Variants in FOXN2 observed in about 807,000 individuals in gnomAD.
The protein encoded by FOXN2 is forkhead box protein N2.
In FOXN2, 19 loss-of-function variants were observed where a neutral mutation model predicts 41.2. The observed-to-expected ratio is 0.46, with a 90% CI of 0.32 to 0.68. FOXN2 has a LOEUF of 0.68. Ranked by LOEUF, FOXN2 falls within the 30% of genes least tolerant of loss-of-function variation. The probability of loss-of-function intolerance (pLI) is 0.03; values close to 1 mark genes in which losing one functional copy is unlikely to be tolerated. For synonymous variants in FOXN2, 195 were observed against 176.8 expected (o/e 1.10, Z -0.82); for missense variants, 587 against 509.4 (o/e 1.15, Z -1.47).
intron 2 of FOXN2, among the ~76,000 whole-genome samples, chr2:48,330,386 A>G (rs1445697740): frequency 6.6e-6 from 1 of 152,212 alleles, no homozygotes; most frequent in African/African-American, 2.4e-5. Context: ...ACTAATTGCT[A>G]TGCAGCTTCC....
intron 2 of FOXN2, among the ~76,000 whole-genome samples, chr2:48,345,955 T>C (rs1439698283): frequency 6.6e-6 from 1 of 152,182 alleles, no homozygotes; most frequent in Non-Finnish European, 1.5e-5. Flanking sequence ...TTAATTGTGT[T>C]AATATCACCC....
Position 48,373,368 on chromosome 2 carries a change from A to T in FOXN2, c.772+8A>T, listed in dbSNP as rs539492939. The T allele has an allele frequency of 3.9e-6, 6 of 1,544,708 alleles. No homozygotes were observed. In the East Asian group the frequency reaches 1.4e-4, roughly 36 times the overall value. ...AACAAGGAATTTTAGAATGTAAGTA[A>T]TCATGCCTTTTTTAAAAAAAAATTT... On this transcript the variant is annotated splice_region_variant and intron_variant, in intron 6 of 6. Coordinates refer to ENST00000340553, the MANE Select transcript of FOXN2 (RefSeq NM_002158.4).
intron 3 of FOXN2, among the ~76,000 whole-genome samples, chr2:48,354,438 A>G (rs542020017): frequency 9.9e-5 from 15 of 152,284 alleles, no homozygotes; most frequent in Admixed American, 2.0e-4. Flanking sequence ...CATCTCTACT[A>G]AAAATACAAA....
intron 2 of FOXN2, among the ~76,000 whole-genome samples, chr2:48,336,241 C>A (rs1018835907): frequency 2.0e-5 from 3 of 150,928 alleles, no homozygotes; most frequent in Admixed American, 2.0e-4. Flanking sequence ...CAGTGTCTAC[C>A]AAAAATATTT....
At chr2:48,372,959 G>A (rs1011068176) in intron 5 of FOXN2, among the ~76,000 whole-genome samples, 1 of 149,530 alleles carries the variant, frequency 6.7e-6, no homozygotes, top group Non-Finnish European at 1.5e-5. Flanking sequence ...TACATTCTTA[G>A]CTAATTTAAT....
At chr2:48,330,075 A>T (rs1034851324) in intron 2 of FOXN2, among the ~76,000 whole-genome samples, 3 of 152,132 alleles carry the variant, frequency 2.0e-5, no homozygotes, top group Non-Finnish European at 2.9e-5. Flanking sequence ...AATAAATAAA[A>T]AATTGTTTTC....
chr2:48,345,179 A>G (rs1671015909), intron 2 of FOXN2, among the ~76,000 whole-genome samples: 1 of 152,242 alleles, frequency 6.6e-6, no homozygotes, highest in Non-Finnish European at 1.5e-5. Context: ...GAGATGATAT[A>G]GAATGCAGAG....
chr2:48,366,440 C>G (rs1319979735), intron 5 of FOXN2, among the ~76,000 whole-genome samples: 1 of 151,680 alleles, frequency 6.6e-6, no homozygotes. Context: ...AACAAAAGTT[C>G]TCCCTGGCAG....
chr2:48,317,789 G>A (rs1347970947), intron 1 of FOXN2, among the ~76,000 whole-genome samples: 1 of 151,218 alleles, frequency 6.6e-6, no homozygotes, highest in East Asian at 2.0e-4. Context: ...TGTATTTTTA[G>A]TAGAGACGGA....
intron 3 of FOXN2, among the ~76,000 whole-genome samples, chr2:48,354,819 T>C (rs1368427344): frequency 6.6e-6 from 1 of 152,158 alleles, no homozygotes; most frequent in African/African-American, 2.4e-5. Flanking sequence ...AAATAGGCAA[T>C]AAACATAAAC....
chr2:48,325,001 A>C lies in FOXN2; in HGVS notation c.-156-3560A>C, dbSNP rs569397524. On this transcript the variant is annotated intron_variant, in intron 1 of 6. Transcript: ENST00000340553. ...AGTTGTTAGAATATCAAAAGCAAGC[A>C]TATAGAGAAATGTATTTGAACAGGA... is the stretch of plus-strand genomic sequence containing the variant. Among the ~76,000 whole-genome samples the C allele has an allele frequency of 7.2e-5, 11 of 152,324 alleles. No homozygotes were observed. In the East Asian group the frequency reaches 1.5e-3, roughly 21 times the overall value.
chr2:48,377,080 T>C lies in FOXN2; in HGVS notation c.*1637T>C, dbSNP rs1159936055. 6.6e-6 allele frequency: 1 copy of C among 152,068 alleles called. No individual in the cohort carries two copies. Among genetic ancestry groups the C allele is most frequent in the Non-Finnish European group, 1.5e-5 (1 of 67,904 alleles). 9.4% of individuals were successfully genotyped at this position (152,068 alleles called of 1,614,324 possible). A position where few individuals can be genotyped will look rare whatever the true frequency, so the allele number is the denominator to read the frequency against. ...GACTTTAAGTCAGGGATAACAGTATTAATGTTCTCTGTTCTGTTTCCATGT... is the reference window on the plus strand; with the variant it reads ...GACTTTAAGTCAGGGATAACAGTATCAATGTTCTCTGTTCTGTTTCCATGT... On this transcript the variant is annotated 3_prime_UTR_variant, in exon 7 of 7. Coordinates refer to ENST00000340553, the MANE Select transcript of FOXN2 (RefSeq NM_002158.4).
rs189009883 is a variant in FOXN2 at position 48,378,982 on chromosome 2, A to G, written c.*3539A>G. On this transcript the variant is annotated 3_prime_UTR_variant, in exon 7 of 7. Coordinates refer to ENST00000340553, the MANE Select transcript of FOXN2 (RefSeq NM_002158.4). ...GTATAATTGCCAATTGATTGTAACTATTATTTATTTTTAAATGAAAGTGTA... is the reference window on the plus strand; with the variant it reads ...GTATAATTGCCAATTGATTGTAACTGTTATTTATTTTTAAATGAAAGTGTA... 308 of 152,666 alleles carry G rather than the reference A, an allele frequency of 2.0e-3. 6 individuals carry two copies. The highest frequency in any genetic ancestry group is 8.5e-4 in the Non-Finnish European group (58 of 68,014). The allele number at this position is 152,666 out of a possible 1,614,324, so 9.5% of individuals were successfully genotyped here.
At chr2:48,354,523 C>G (rs1218992501) in intron 3 of FOXN2, among the ~76,000 whole-genome samples, 2 of 152,136 alleles carry the variant, frequency 1.3e-5, no homozygotes, top group Non-Finnish European at 2.9e-5. Flanking sequence ...TCACTTGAAC[C>G]CAGGAGGCAG....
intron 3 of FOXN2, among the ~76,000 whole-genome samples, chr2:48,350,938 C>T (rs1161663806): frequency 1.3e-5 from 2 of 152,064 alleles, no homozygotes; most frequent in Admixed American, 1.3e-4. Flanking sequence ...TACATCTCAC[C>T]TCACAGGATG....
In FOXN2 at chr2:48,362,692, G is replaced by T. The variant is rs775882849; in HGVS notation, c.688G>T (p.Val230Leu). 1 of 1,613,676 alleles carries T rather than the reference G, an allele frequency of 6.2e-7. No homozygotes were observed. The highest frequency in any genetic ancestry group is 8.5e-7 in the Non-Finnish European group (1 of 1,179,796). The change falls in exon 5 of 7, where the codon GTG (valine) becomes TTG (leucine). Residue 230 changes from valine to leucine, a missense_variant. Coordinates refer to ENST00000340553, the MANE Select transcript of FOXN2 (RefSeq NM_002158.4). ...AAGCTCTGTAATCAAGCAGAACCAG[G>T]TGCGAAACCTCAAAGGTATGTGTGA... ...YLSSVIKQNQ[V>L]RNLKESDIDA...
chr2:48,370,570 T>A (rs542731265), intron 5 of FOXN2, among the ~76,000 whole-genome samples: 2 of 152,314 alleles, frequency 1.3e-5, no homozygotes, highest in Admixed American at 6.5e-5. Flanking sequence ...TTAATTTTTT[T>A]AAATTTCTTG....
intron 1 of FOXN2, among the ~76,000 whole-genome samples, chr2:48,321,493 C>T (rs952389515): frequency 6.6e-6 from 1 of 151,964 alleles, no homozygotes; most frequent in South Asian, 2.1e-4. Context: ...CCGAGATTGC[C>T]CCACTGCACT....
intron 1 of FOXN2, among the ~76,000 whole-genome samples, chr2:48,327,477 C>T (rs1669751930): frequency 2.0e-5 from 3 of 151,004 alleles, no homozygotes. Context: ...TGGAATTTCA[C>T]TCTTATTGCC....
Sources: allele counts gnomAD v4.1 joint callset (sites outside exome capture counted in the v4.1 genomes callset), GRCh38; gene constraint gnomAD v4.1.1; transcripts MANE v1.5; gene names NCBI Gene and HGNC (gene_info 2026-07-23, HGNC 2026-07-21).